PCDHGA11: variants seen among roughly 807,000 people sequenced by gnomAD.
PCDHGA11 encodes the protein protocadherin gamma-A11.
A neutral mutation model predicts 60.4 loss-of-function variants in PCDHGA11; 39 were observed. The observed-to-expected ratio is 0.65, with a 90% CI of 0.50 to 0.84. The LOEUF (loss-of-function observed/expected upper bound fraction) is 0.84, where lower values mean the gene tolerates loss of function less well. PCDHGA11 is among the 40% of genes least tolerant of loss of function. The pLI, the probability that PCDHGA11 is intolerant of heterozygous loss-of-function variation, is 0.00. For missense variants in PCDHGA11, 1,165 were observed against 1,197.7 expected (o/e 0.97, Z 0.40); for synonymous variants, 533 against 510.3 (o/e 1.04, Z -0.60).
chr5:141,421,878 T>C lies in PCDHGA11; in HGVS notation c.651T>C (p.Asp217=), dbSNP rs1364225081. The change falls in exon 1 of 4, where the codon GAT becomes GAC. Residue 217 remains aspartate, a synonymous_variant. Coordinates refer to ENST00000398587, the MANE Select transcript of PCDHGA11 (RefSeq NM_018914.3). ...ACCTGCTCCTCCTCACAGCTTTAGA[T>C]GGAGGCGATCCCATCCGAAAGGGCG... The part of the protein sequence containing the change: ...AAHLLLLTAL[D]GGDPIRKGAV... 6.2e-7 allele frequency: 1 copy of C among 1,613,612 alleles called. No homozygotes were observed. The highest frequency in any genetic ancestry group is 1.3e-5 in the African/African-American group (1 of 74,918).
At chr5:141,478,794 G>A in intron 1 of PCDHGA11, 1 of 1,468,126 alleles carries the variant, frequency 6.8e-7, no homozygotes, top group Non-Finnish European at 9.0e-7. Flanking sequence ...CACATCCTCA[G>A]CACTCTTTTG....
chr5:141,475,213 G>C (rs1359120020), intron 1 of PCDHGA11, among the ~76,000 whole-genome samples: 2 of 152,170 alleles, frequency 1.3e-5, no homozygotes, highest in African/African-American at 4.8e-5. Context: ...GAAAAGGATT[G>C]ATCAAGTAAA....
intron 1 of PCDHGA11, 40 bp downstream of exon 1, chr5:141,423,700 G>A (rs753612385): frequency 7.5e-7 from 1 of 1,324,816 alleles, no homozygotes; most frequent in Non-Finnish European, 9.8e-7. Context: ...TTGGTGTCTT[G>A]GCACAAGTCT....
At chr5:141,499,287 C>T (rs896428388) in intron 2 of PCDHGA11, among the ~76,000 whole-genome samples, 3 of 152,184 alleles carry the variant, frequency 2.0e-5, no homozygotes, top group Non-Finnish European at 2.9e-5. Context: ...CTGATGGCTC[C>T]ACACTACCAT....
intron 1 of PCDHGA11, among the ~76,000 whole-genome samples, chr5:141,483,272 A>T (rs545719861): frequency 4.4e-4 from 67 of 152,196 alleles, no homozygotes; most frequent in African/African-American, 1.4e-3. Flanking sequence ...TGTTTTAGAA[A>T]TATTATTCTG....
intron 1 of PCDHGA11, among the ~76,000 whole-genome samples, chr5:141,457,415 C>T (rs185690067): frequency 3.9e-4 from 60 of 152,300 alleles, no homozygotes; most frequent in African/African-American, 1.3e-3. Flanking sequence ...CATTACCCAT[C>T]CCTTTTTCCC....
intron 3 of PCDHGA11, among the ~76,000 whole-genome samples, chr5:141,506,132 G>T (rs114930087): frequency 1.2e-4 from 18 of 152,310 alleles, no homozygotes; most frequent in African/African-American, 4.3e-4. Context: ...CAGAGCAGGA[G>T]AAGAAGAATA....
chr5:141,441,517 G>A (rs1316654534), intron 1 of PCDHGA11: 1 of 172,138 alleles, frequency 5.8e-6, no homozygotes, highest in South Asian at 1.3e-4. Flanking sequence ...CGTCGTCCAC[G>A]TGGCCAAGAA....
At chr5:141,506,669 A>C (rs1293213848) in intron 3 of PCDHGA11, among the ~76,000 whole-genome samples, 1 of 152,198 alleles carries the variant, frequency 6.6e-6, no homozygotes, top group African/African-American at 2.4e-5. Flanking sequence ...GTAAGGGCAC[A>C]ATATATTATT....
intron 1 of PCDHGA11, among the ~76,000 whole-genome samples, chr5:141,466,519 C>A (rs1406838553): frequency 6.6e-6 from 1 of 151,864 alleles, no homozygotes; most frequent in Non-Finnish European, 1.5e-5. Flanking sequence ...CATTTTTTTT[C>A]CTCCCAAATT....
chr5:141,437,058 T>C (rs539776847), intron 1 of PCDHGA11, among the ~76,000 whole-genome samples: 2 of 152,246 alleles, frequency 1.3e-5, no homozygotes, highest in Non-Finnish European at 2.9e-5. Context: ...CTGGTGATCA[T>C]TATTTGGTTT....
chr5:141,431,678 T>G lies in PCDHGA11; in HGVS notation c.2433+8018T>G. The G allele has an allele frequency of 6.2e-7, 1 of 1,614,084 alleles. No homozygotes were observed. Among genetic ancestry groups the G allele is most frequent in the Non-Finnish European group, 8.5e-7 (1 of 1,180,022 alleles). On this transcript the variant is annotated intron_variant, in intron 1 of 3. Transcript: ENST00000398587. This position sits in a 1 kb window ranked among gnomAD's most constrained non-coding sequence, Gnocchi z 4.8. ...AGGGACAATATCAACAATAGGGGAGTTGGACCACGAGGAGTCAGGATTCTA... is the reference window on the plus strand; with the variant it reads ...AGGGACAATATCAACAATAGGGGAGGTGGACCACGAGGAGTCAGGATTCTA...
rs1437533706 is a variant in PCDHGA11, at chr5:141,511,419, G to C, written c.*246G>C. On this transcript the variant is annotated 3_prime_UTR_variant, in exon 4 of 4. Transcript: ENST00000398587. ...ATCCAATCAACTGCTGTACCCATGG[G>C]GGTAGTGGGGTTACTGTAGACACCA... The C allele has an allele frequency of 2.4e-6, 2 of 830,456 alleles. No individual in the cohort carries two copies. The highest frequency in any genetic ancestry group is 5.8e-5 in the East Asian group (2 of 34,260). 51.4% of individuals were successfully genotyped at this position (830,456 alleles called of 1,614,324 possible).
chr5:141,448,166 A>G (rs1475687778), intron 1 of PCDHGA11, among the ~76,000 whole-genome samples: 2 of 151,978 alleles, frequency 1.3e-5, no homozygotes, highest in Non-Finnish European at 2.9e-5. Context: ...AAAGATCACT[A>G]CTATTCATCC....
chr5:141,479,020 T>C (rs961123768), intron 1 of PCDHGA11, among the ~76,000 whole-genome samples: 1 of 152,236 alleles, frequency 6.6e-6, no homozygotes, highest in African/African-American at 2.4e-5. Flanking sequence ...ATAATTTTCC[T>C]TTGTTTATAC....
intron 1 of PCDHGA11, chr5:141,428,062 A>G: frequency 6.2e-7 from 1 of 1,609,084 alleles, no homozygotes; most frequent in African/African-American, 1.3e-5. Flanking sequence ...GTGGCGGTGG[A>G]CGCAGATTCG....
chr5:141,489,729 C>T lies in PCDHGA11; in HGVS notation c.2434-5078C>T, dbSNP rs760195181. ...ACAGTGCCCAGGATCCGGATGTGGGCACCAATACTGTGAGCTTTTACACTC... is the reference window on the plus strand; with the variant it reads ...ACAGTGCCCAGGATCCGGATGTGGGTACCAATACTGTGAGCTTTTACACTC... On this transcript the variant is annotated intron_variant, in intron 1 of 3. Transcript: ENST00000398587. The surrounding 1 kb of genome is among the most constrained non-coding windows in gnomAD (Gnocchi z 4.5). 2.5e-6 allele frequency: 4 copies of T among 1,614,152 alleles called. No individual in the cohort carries two copies. The highest frequency in any genetic ancestry group is 2.2e-5 in the East Asian group (1 of 44,876).
At chr5:141,462,627 A>T (rs1200455153) in intron 1 of PCDHGA11, among the ~76,000 whole-genome samples, 1 of 150,276 alleles carries the variant, frequency 6.7e-6, no homozygotes, top group East Asian at 1.9e-4. Flanking sequence ...TAGAAGTTCC[A>T]TTTGACTCTT....
intron 1 of PCDHGA11, among the ~76,000 whole-genome samples, chr5:141,439,104 A>G (rs924055175): frequency 6.6e-6 from 1 of 151,676 alleles, no homozygotes; most frequent in African/African-American, 2.4e-5. Flanking sequence ...GAGGCAAGAG[A>G]ATCACTTGAA....
Sources: allele counts gnomAD v4.1 joint callset (sites outside exome capture counted in the v4.1 genomes callset), GRCh38; gene constraint gnomAD v4.1.1; non-coding constraint Gnocchi (gnomAD v3.1); transcripts MANE v1.5; gene names NCBI Gene and HGNC (gene_info 2026-07-23, HGNC 2026-07-21).